Variants in RTL4 observed in about 807,000 individuals in gnomAD.
RTL4 encodes the protein retrotransposon Gag like 4.
In RTL4, 4 loss-of-function variants were observed where a neutral mutation model predicts 5.3. The observed-to-expected ratio is 0.75, with a 90% CI of 0.37 to 1.72. The LOEUF (loss-of-function observed/expected upper bound fraction) is 1.72. RTL4 is among the 40% of genes most tolerant of loss of function. The probability of loss-of-function intolerance (pLI) is 0.04; values close to 1 mark genes in which losing one functional copy is unlikely to be tolerated. For missense variants in RTL4, 260 were observed against 227.1 expected (o/e 1.14, Z -0.93); for synonymous variants, 98 against 87.3 (o/e 1.12, Z -0.68).
chrX:112,434,743 T>C, the RTL4 span, among the ~76,000 whole-genome samples: 17 of 112,044 alleles, frequency 1.5e-4, no homozygotes, highest in Admixed American at 3.8e-4. Flanking sequence ...AAGCTTGGAA[T>C]TTTAGAAACA....
chrX:112,443,521 C>CTAATTT, the RTL4 span, among the ~76,000 whole-genome samples: 15 of 111,923 alleles, frequency 1.3e-4, no homozygotes, highest in African/African-American at 4.9e-4. Context: ...AGCTGTTCTC[C>CTAATTT]ACAGTGGTTG....
the RTL4 span, among the ~76,000 whole-genome samples, chrX:112,393,029 G>C: frequency 2.7e-5 from 3 of 111,371 alleles, no homozygotes; most frequent in African/African-American, 9.8e-5. Flanking sequence ...CACTGACAGG[G>C]GTGGCTGGAG....
the RTL4 span, among the ~76,000 whole-genome samples, chrX:112,245,006 A>C: frequency 8.9e-6 from 1 of 112,155 alleles, no homozygotes; most frequent in African/African-American, 3.2e-5. Context: ...TTTCTTTAAG[A>C]ATGTTGAATA....
chrX:112,437,961 G>A, the RTL4 span, among the ~76,000 whole-genome samples: 1 of 110,247 alleles, frequency 9.1e-6, no homozygotes, highest in Admixed American at 9.8e-5. Flanking sequence ...TTGTAAGCTG[G>A]TACAAAATGC....
the RTL4 span, among the ~76,000 whole-genome samples, chrX:112,249,597 TTC>T: frequency 9.0e-6 from 1 of 110,513 alleles, no homozygotes; most frequent in Non-Finnish European, 1.9e-5. Flanking sequence ...TAAGAATTCT[TTC>T]TCTCTTCCTG....
chrX:112,149,552 G>A, the RTL4 span, among the ~76,000 whole-genome samples: 2 of 111,648 alleles, frequency 1.8e-5, no homozygotes, highest in Non-Finnish European at 3.8e-5. Flanking sequence ...AATGACTGGT[G>A]CATGTACAGG....
chrX:112,101,190 G>C, the RTL4 span, among the ~76,000 whole-genome samples: 4 of 111,713 alleles, frequency 3.6e-5, no homozygotes, highest in Non-Finnish European at 7.5e-5. Flanking sequence ...TTCGTAGTTT[G>C]TGATCACAAT....
At chrX:112,213,705 A>G in the RTL4 span, among the ~76,000 whole-genome samples, 6 of 111,730 alleles carry the variant, frequency 5.4e-5, no homozygotes, top group African/African-American at 1.9e-4. Flanking sequence ...GTATATTCCA[A>G]TTGTTGTATA....
chrX:112,392,504 G>C, the RTL4 span, among the ~76,000 whole-genome samples: 1 of 112,020 alleles, frequency 8.9e-6, no homozygotes, highest in Non-Finnish European at 1.9e-5. Context: ...GAACACACTT[G>C]TAGGAGGTGG....
At chrX:112,422,674 C>T in the RTL4 span, among the ~76,000 whole-genome samples, 1 of 111,229 alleles carries the variant, frequency 9.0e-6, no homozygotes, top group Middle Eastern at 4.6e-3. Flanking sequence ...CTTGTACATC[C>T]AAGCCCTCAA....
the RTL4 span, among the ~76,000 whole-genome samples, chrX:112,241,750 T>G: frequency 8.9e-6 from 1 of 112,178 alleles, no homozygotes; most frequent in Non-Finnish European, 1.9e-5. Flanking sequence ...TTTTGTTGTT[T>G]CAGTCATGAA....
At chrX:112,130,782 T>C in the RTL4 span, among the ~76,000 whole-genome samples, 3 of 102,766 alleles carry the variant, frequency 2.9e-5, no homozygotes, top group Non-Finnish European at 5.8e-5. Context: ...ATGACACTTA[T>C]GGGTGTGGGT....
chrX:112,285,230 G>A, the RTL4 span, among the ~76,000 whole-genome samples: 2 of 111,764 alleles, frequency 1.8e-5, no homozygotes, highest in Middle Eastern at 9.2e-3. Context: ...TAAAAAGAAG[G>A]CAGAACAAAC....
the RTL4 span, among the ~76,000 whole-genome samples, chrX:112,329,102 G>T: frequency 9.1e-6 from 1 of 110,306 alleles, no homozygotes. Context: ...AAAAGAACTA[G>T]AAAAGCAAGA....
the RTL4 span, among the ~76,000 whole-genome samples, chrX:112,160,699 C>T: frequency 9.0e-6 from 1 of 110,980 alleles, no homozygotes; most frequent in Non-Finnish European, 1.9e-5. Context: ...GGCATTTAGA[C>T]TGGACAAGTT....
At chrX:112,277,069 T>C in the RTL4 span, among the ~76,000 whole-genome samples, 1 of 111,909 alleles carries the variant, frequency 8.9e-6, no homozygotes. Flanking sequence ...CTCAAGGTGC[T>C]GGTAAATTAA....
At chrX:112,195,024 G>C in the RTL4 span, among the ~76,000 whole-genome samples, 1 of 112,075 alleles carries the variant, frequency 8.9e-6, no homozygotes, top group African/African-American at 3.2e-5. Flanking sequence ...CAAGATTTCT[G>C]TTTTTAGGAA....
At chrX:112,345,127 G>C in the RTL4 span, among the ~76,000 whole-genome samples, 1 of 111,203 alleles carries the variant, frequency 9.0e-6, no homozygotes, top group Non-Finnish European at 1.9e-5. Context: ...TGCAAGGGGT[G>C]GTCTGCCTGT....
chrX:112,453,597 C>G (rs952559545), upstream of RTL4, among the ~76,000 whole-genome samples: 1 of 111,917 alleles, frequency 8.9e-6, no homozygotes, highest in Non-Finnish European at 1.9e-5. Context: ...ACTGCCATCA[C>G]AGGAATCATA....
Sources: gnomAD v4.1 joint callset for allele counts (sites outside exome capture counted in the v4.1 genomes callset) on GRCh38, gnomAD v4.1.1 for gene constraint, MANE v1.5 for transcripts, NCBI Gene and HGNC (gene_info 2026-07-23, HGNC 2026-07-21) for gene names.